Variants in LAMC3 observed in about 807,000 individuals in gnomAD.
The protein encoded by LAMC3 is laminin subunit gamma 3.
LAMC3 carries 128 observed loss-of-function variants against 173.8 expected under a neutral mutation model. That is an observed-to-expected ratio of 0.74 (90% CI 0.64 to 0.85). The LOEUF is 0.85. Among genes scored for constraint, LAMC3 ranks in the 40% least tolerant of loss-of-function variants. LAMC3 has a pLI of 0.00. For synonymous variants in LAMC3, 897 were observed against 909.1 expected (o/e 0.99, Z 0.24); for missense variants, 2,022 against 2,156.0 (o/e 0.94, Z 1.23).
chr9:131,084,703 C>G (rs974248232), intron 24 of LAMC3, among the ~76,000 whole-genome samples: 2 of 151,866 alleles, frequency 1.3e-5, no homozygotes, highest in African/African-American at 2.4e-5. Context: ...TTGAGATCAG[C>G]CTGGCCAACA....
At chr9:131,041,870 CCCTTCCTGGGG>C in intron 7 of LAMC3, 135 bp downstream of exon 7, 1 of 750,084 alleles carries the variant, frequency 1.3e-6, no homozygotes, top group Non-Finnish European at 2.3e-6. Context: ...TCACCCTGTG[CCCTTCCTGGGG>C]CACCATGTAT....
At chr9:131,034,054 G>C (rs1487951652) in intron 3 of LAMC3, among the ~76,000 whole-genome samples, 3 of 152,194 alleles carry the variant, frequency 2.0e-5, no homozygotes, top group Admixed American at 1.3e-4. Flanking sequence ...ATGAGCTCCA[G>C]TGCCTCCTGT....
intron 3 of LAMC3, among the ~76,000 whole-genome samples, chr9:131,032,514 C>T (rs555423794): frequency 5.4e-4 from 81 of 150,200 alleles, no homozygotes; most frequent in African/African-American, 1.9e-3. Flanking sequence ...CTCGCTCTCT[C>T]TCTCTTGCTC....
At position 131,092,065 on chromosome 9, in the gene LAMC3, G is replaced by C; in HGVS notation, c.*278G>C. 2 of 521,606 alleles carry C rather than the reference G, an allele frequency of 3.8e-6. No individual in the cohort carries two copies. The highest frequency in any genetic ancestry group is 4.1e-5 in the South Asian group (2 of 49,174). The allele number at this position is 521,606 out of a possible 1,614,324, so 32.3% of individuals were successfully genotyped here. A position where few individuals can be genotyped will look rare whatever the true frequency, so the allele number is the denominator to read the frequency against. ...ACCCCAGTGTCAATAACATACACAC[G>C]TGAGGGTGCATGTCTGTGTGTATGA... On this transcript the variant is annotated 3_prime_UTR_variant, in exon 28 of 28. Coordinates refer to ENST00000361069, the MANE Select transcript of LAMC3 (RefSeq NM_006059.4).
chr9:131,087,965 C>T, intron 27 of LAMC3, 148 bp downstream of exon 27: 2 of 739,036 alleles, frequency 2.7e-6, no homozygotes, highest in Non-Finnish European at 4.8e-6. Context: ...CAATCACAAG[C>T]ATTTATAACC....
chr9:131,051,551 G>A (rs930764231), intron 9 of LAMC3, among the ~76,000 whole-genome samples: 31 of 151,946 alleles, frequency 2.0e-4, no homozygotes, highest in Non-Finnish European at 3.8e-4. Context: ...TTTTACTAGA[G>A]ATGGGGTTTC....
chr9:131,087,842 C>T, intron 27 of LAMC3, 25 bp downstream of exon 27: 1 of 1,598,588 alleles, frequency 6.3e-7, no homozygotes, highest in South Asian at 1.1e-5. Context: ...AGGCTGGGCC[C>T]TGAACCCCTG....
At chr9:131,030,261 C>T (rs552751041) in intron 2 of LAMC3, among the ~76,000 whole-genome samples, 1 of 152,320 alleles carries the variant, frequency 6.6e-6, no homozygotes, top group Non-Finnish European at 1.5e-5. Flanking sequence ...TTTAAGGCAT[C>T]AAGACAGTCC....
In LAMC3 at chr9:131,068,511, G is replaced by T. The variant is rs924317068; in HGVS notation, c.2747+280G>T. Reference sequence around the variant, plus strand: ...TCCCTTCTCAGTGACACTCTCCCTGGGTGGCCTTTTGGCCACAGTAGCACC... The same window carrying T: ...TCCCTTCTCAGTGACACTCTCCCTGTGTGGCCTTTTGGCCACAGTAGCACC... On this transcript the variant is annotated intron_variant, in intron 15 of 27. Transcript: ENST00000361069. Among the ~76,000 whole-genome samples, 19 of 152,110 alleles carry T rather than the reference G, an allele frequency of 1.2e-4. 1 individual carries two copies. Among genetic ancestry groups the T allele is most frequent in the Admixed American group, 1.2e-3 (18 of 15,280 alleles).
In LAMC3 at chr9:131,009,189, A is replaced by G; in HGVS notation, c.-26A>G. ...CACCCTAGCCGAGCGGGGCCGGCAG[A>G]GCGCGCGGCGTCGGTGCCCTTGACC... On this transcript the variant is annotated 5_prime_UTR_variant, in exon 1 of 28. Transcript: ENST00000361069. The surrounding 1 kb of genome is among the most constrained non-coding windows in gnomAD (Gnocchi z 4.3). 8.4e-7 allele frequency: 1 copy of G among 1,185,972 alleles called. No homozygotes were observed. The highest frequency in any genetic ancestry group is 1.0e-6 in the Non-Finnish European group (1 of 960,828). 73.5% of individuals were successfully genotyped at this position (1,185,972 alleles called of 1,614,324 possible).
chr9:131,027,913 G>A (rs974539610), intron 2 of LAMC3, among the ~76,000 whole-genome samples: 2 of 152,228 alleles, frequency 1.3e-5, no homozygotes, highest in African/African-American at 4.8e-5. Context: ...TGCCGGGATC[G>A]GCACCTATCT....
intron 7 of LAMC3, 70 bp from the exon 8 acceptor site, chr9:131,045,454 G>A: frequency 1.3e-6 from 2 of 1,579,924 alleles, no homozygotes; most frequent in Admixed American, 3.3e-5. Flanking sequence ...GTCCAGCTGG[G>A]ATACCCTGGC....
intron 16 of LAMC3, 123 bp downstream of exon 16, chr9:131,069,173 C>G: frequency 1.8e-6 from 2 of 1,135,580 alleles, no homozygotes; most frequent in African/African-American, 1.5e-5. Flanking sequence ...GACAGGGTCC[C>G]GAGAGCAGCC....
chr9:131,040,109 G>A (rs1447066555), intron 6 of LAMC3, among the ~76,000 whole-genome samples: 4 of 143,256 alleles, frequency 2.8e-5, no homozygotes, highest in Non-Finnish European at 6.0e-5. Flanking sequence ...CCACCTCCCC[G>A]GTTCCAGCAA....
At chr9:131,065,810 G>A (rs1284415283) in intron 13 of LAMC3, among the ~76,000 whole-genome samples, 2 of 152,118 alleles carry the variant, frequency 1.3e-5, no homozygotes, top group African/African-American at 2.4e-5. Flanking sequence ...CAATGGTGAT[G>A]AAGGTGATGA....
intron 9 of LAMC3, among the ~76,000 whole-genome samples, chr9:131,050,252 G>A (rs1315584374): frequency 6.6e-6 from 1 of 152,268 alleles, no homozygotes; most frequent in African/African-American, 2.4e-5. Context: ...CTCTCAGGCC[G>A]GCCCGCTCCC....
intron 25 of LAMC3, 55 bp from the exon 26 acceptor site, chr9:131,087,421 C>G (rs1356763223): frequency 6.2e-7 from 1 of 1,608,778 alleles, no homozygotes; most frequent in African/African-American, 1.3e-5. Flanking sequence ...TATTTACCTC[C>G]AAAAGGACTT....
At chr9:131,010,375 C>T (rs569686519) in intron 1 of LAMC3, among the ~76,000 whole-genome samples, 1 of 152,222 alleles carries the variant, frequency 6.6e-6, no homozygotes, top group South Asian at 2.1e-4. Context: ...GGACCTGTAC[C>T]CCTAGATAGC....
chr9:131,031,523 C>T (rs955822422), intron 2 of LAMC3, among the ~76,000 whole-genome samples: 13 of 152,176 alleles, frequency 8.5e-5, no homozygotes, highest in Non-Finnish European at 1.5e-4. Flanking sequence ...CCAAGAAACC[C>T]GGGGCCAGCT....
Sources: allele counts gnomAD v4.1 joint callset (sites outside exome capture counted in the v4.1 genomes callset), GRCh38; gene constraint gnomAD v4.1.1; non-coding constraint Gnocchi (gnomAD v3.1); transcripts MANE v1.5; gene names NCBI Gene and HGNC (gene_info 2026-07-23, HGNC 2026-07-21).